ADD1: variants seen among roughly 807,000 people sequenced by gnomAD.
ADD1 encodes the protein adducin 1.
In ADD1, 24 loss-of-function variants were observed where a neutral mutation model predicts 80.5. The observed-to-expected ratio is 0.30, with a 90% confidence interval of 0.22 to 0.42. The LOEUF is 0.42. Among genes scored for constraint, ADD1 ranks in the 10% least tolerant of loss-of-function variants. The probability of loss-of-function intolerance (pLI) is 1.00; values close to 1 mark genes in which losing one functional copy is unlikely to be tolerated. For missense variants in ADD1, 948 were observed against 1,019.0 expected (o/e 0.93, Z 0.95); for synonymous variants, 373 against 393.8 (o/e 0.95, Z 0.63).
rs759011632 is a variant in ADD1 at position 2,875,968 on chromosome 4, C to T, written c.53C>T (p.Ala18Val). 1 of 1,613,666 alleles carries T rather than the reference C, an allele frequency of 6.2e-7. No homozygotes were observed. The highest frequency in any genetic ancestry group is 1.7e-5 in the Admixed American group (1 of 59,962). ...AVVTSPPPTT[A>V]PHKERYFDRV... Reference sequence around the variant, plus strand: ...GTGACCTCACCACCCCCGACCACAGCCCCTCACAAGGAGAGGTACTTCGAC... The same window carrying T: ...GTGACCTCACCACCCCCGACCACAGTCCCTCACAAGGAGAGGTACTTCGAC... The change falls in exon 2 of 16, where the codon GCC (alanine) becomes GTC (valine). Residue 18 changes from alanine (A) to valine (V), a missense_variant. Ala to Val is a moderately conservative substitution (Grantham distance 64). Coordinates refer to ENST00000683351, the MANE Select transcript of ADD1 (RefSeq NM_001354761.2).
At chr4:2,906,184 A>C (rs1237558520) in intron 10 of ADD1, among the ~76,000 whole-genome samples, 1 of 152,176 alleles carries the variant, frequency 6.6e-6, no homozygotes, top group African/African-American at 2.4e-5. Flanking sequence ...TTCCTGACGC[A>C]GTTGGTGAGA....
chr4:2,866,787 G>A (rs17833172), intron 1 of ADD1, among the ~76,000 whole-genome samples: 35,106 of 152,050 alleles, frequency 0.23, 4,647 homozygotes, highest in Middle Eastern at 0.3. Flanking sequence ...GACCTCTGAA[G>A]CTTAAAACTC....
At chr4:2,850,372 A>T (rs1726887620) in intron 1 of ADD1, among the ~76,000 whole-genome samples, 1 of 152,094 alleles carries the variant, frequency 6.6e-6, no homozygotes, top group Non-Finnish European at 1.5e-5. Flanking sequence ...AGTTCAAGCG[A>T]TTCTCCTGCC....
At chr4:2,904,672 AC>A (rs1354161606) in intron 9 of ADD1, 91 bp from the exon 10 acceptor site, 7 of 1,198,000 alleles carry the variant, frequency 5.8e-6, no homozygotes, top group Non-Finnish European at 8.5e-6. Flanking sequence ...CATGTGTTCA[AC>A]TTTTGTGGAT....
chr4:2,878,237 C>G (rs1731674887), intron 2 of ADD1, among the ~76,000 whole-genome samples: 1 of 152,012 alleles, frequency 6.6e-6, no homozygotes, highest in South Asian at 2.1e-4. Context: ...GAAAATTATT[C>G]TGGGTTTGGT....
At position 2,899,245 on chromosome 4, in the gene ADD1, G is replaced by T; in HGVS notation, c.985-14G>T. On this transcript the variant is annotated splice_polypyrimidine_tract_variant and intron_variant, in intron 8 of 15. Transcript: ENST00000683351. ...GTAAGGAACTCAAGCCATGCTGTGT[G>T]TGTTTTGGAAAAGGTTCGAACTCTG... The T allele has an allele frequency of 6.2e-7, 1 of 1,600,444 alleles. No individual in the cohort carries two copies. The highest frequency in any genetic ancestry group is 8.5e-7 in the Non-Finnish European group (1 of 1,170,742).
At position 2,928,183 on chromosome 4, in the gene ADD1, A is replaced by G; in HGVS notation, c.2060A>G (p.Glu687Gly). The G allele has an allele frequency of 6.2e-7, 1 of 1,614,020 alleles. No homozygotes were observed. Among genetic ancestry groups the G allele is most frequent in the Non-Finnish European group, 8.5e-7 (1 of 1,179,978 alleles). Residue 687 changes from glutamate to glycine, a missense_variant, in exon 16 of 16, where the codon GAG (glutamate) becomes GGG (glycine). By Grantham distance (98) the Glu-to-Gly change is moderately conservative. Transcript: ENST00000683351. ...CCTCACCCACTAGACCTTGTGCCGGAGCCGACTACTGGAGATGACAGTGAT... is the reference window on the plus strand; with the variant it reads ...CCTCACCCACTAGACCTTGTGCCGGGGCCGACTACTGGAGATGACAGTGAT... The part of the protein sequence containing the change: ...PIKLEEDLVP[E>G]PTTGDDSDAA...
intron 1 of ADD1, 44 bp downstream of exon 1, chr4:2,844,068 A>C (rs1577387596): frequency 7.2e-6 from 1 of 137,964 alleles, no homozygotes; most frequent in Non-Finnish European, 1.6e-5. Context: ...GTTCGGGCTG[A>C]GGCGGCGGCG....
intron 9 of ADD1, 176 bp downstream of exon 9, chr4:2,899,611 A>G: frequency 1.4e-6 from 1 of 723,226 alleles, no homozygotes; most frequent in Non-Finnish European, 2.4e-6. Flanking sequence ...AATAAAATGT[A>G]GAGGTGAAGG....
At chr4:2,876,390 T>A (rs1021886607) in intron 2 of ADD1, 4 of 248,272 alleles carry the variant, frequency 1.6e-5, no homozygotes, top group South Asian at 1.6e-4. Flanking sequence ...GGGCAATTTT[T>A]AAATTACAAT....
At chr4:2,882,165 G>A in intron 3 of ADD1, 105 bp downstream of exon 3, 1 of 1,052,662 alleles carries the variant, frequency 9.5e-7, no homozygotes, top group Non-Finnish European at 1.3e-6. Flanking sequence ...TAACATAACA[G>A]AGTTGAGTAT....
intron 1 of ADD1, among the ~76,000 whole-genome samples, chr4:2,873,581 T>C (rs576161527): frequency 3.3e-5 from 5 of 152,372 alleles, no homozygotes; most frequent in Admixed American, 2.6e-4. Context: ...ATGATGGTTT[T>C]ACAAAGATTC....
At chr4:2,894,483 C>A in intron 5 of ADD1, 99 bp from the exon 6 acceptor site, 1 of 1,166,710 alleles carries the variant, frequency 8.6e-7, no homozygotes, top group African/African-American at 1.6e-5. Flanking sequence ...TGCACTCCAG[C>A]CTGGGCGACA....
intron 11 of ADD1, 45 bp from the exon 12 acceptor site, chr4:2,908,469 TG>T: frequency 6.4e-7 from 1 of 1,552,768 alleles, no homozygotes; most frequent in Non-Finnish European, 8.9e-7. Context: ...CCAGGCAGCA[TG>T]GCTGCTCAGG....
At chr4:2,888,054 G>A (rs1319331972) in intron 4 of ADD1, among the ~76,000 whole-genome samples, 2 of 151,708 alleles carry the variant, frequency 1.3e-5, no homozygotes, top group Non-Finnish European at 2.9e-5. Context: ...TAATTACAGC[G>A]TTATTATTAT....
intron 13 of ADD1, among the ~76,000 whole-genome samples, chr4:2,912,476 T>A (rs1738241986): frequency 6.6e-6 from 1 of 152,192 alleles, no homozygotes; most frequent in African/African-American, 2.4e-5. Context: ...CTTTGGGGCA[T>A]CAAAATTGGG....
chr4:2,909,298 C>T, intron 12 of ADD1, 41 bp from the exon 13 acceptor site: 3 of 1,483,060 alleles, frequency 2.0e-6, no homozygotes, highest in Non-Finnish European at 1.8e-6. Context: ...ATTTCACAGG[C>T]TGGGCCTGGT....
At chr4:2,869,843 A>G (rs1413050961) in intron 1 of ADD1, among the ~76,000 whole-genome samples, 1 of 152,160 alleles carries the variant, frequency 6.6e-6, no homozygotes, top group Non-Finnish European at 1.5e-5. Flanking sequence ...GACAATTCCA[A>G]AGGCTCTCTG....
chr4:2,893,691 C>T (rs937290705), intron 4 of ADD1, among the ~76,000 whole-genome samples: 19 of 151,982 alleles, frequency 1.3e-4, no homozygotes, highest in African/African-American at 4.1e-4. Flanking sequence ...GCCTTTGACA[C>T]TAGTAGCCAC....
Sources: gnomAD v4.1 joint callset for allele counts (sites outside exome capture counted in the v4.1 genomes callset) on GRCh38, gnomAD v4.1.1 for gene constraint, MANE v1.5 for transcripts, NCBI Gene and HGNC (gene_info 2026-07-23, HGNC 2026-07-21) for gene names.